The following TMEM108 variants were observed in gnomAD, a reference collection of about 807,000 sequenced individuals.
The protein encoded by TMEM108 is cancer/testis antigen 124.
Under a neutral mutation model 35.1 loss-of-function variants are expected in TMEM108, and 12 were observed. The observed-to-expected ratio is 0.34, with a 90% CI of 0.22 to 0.55. The LOEUF is 0.55. Ranked by LOEUF, TMEM108 falls within the 20% of genes least tolerant of loss-of-function variation. The pLI is 0.89. For synonymous variants in TMEM108, 287 were observed against 308.6 expected, an observed-to-expected ratio of 0.93 and a Z score of 0.73; for missense variants, 680 against 753.3, an observed-to-expected ratio of 0.90 and a Z score of 1.14.
intron 2 of TMEM108, among the ~76,000 whole-genome samples, chr3:133,111,370 C>T (rs1944222009): frequency 6.6e-6 from 1 of 152,074 alleles, no homozygotes; most frequent in Admixed American, 6.6e-5. Context: ...TTTCCTTCAC[C>T]TAAGCTTCTC....
At chr3:133,081,246 C>A (rs192138878) in intron 2 of TMEM108, among the ~76,000 whole-genome samples, 2 of 152,180 alleles carry the variant, frequency 1.3e-5, no homozygotes, top group Non-Finnish European at 2.9e-5. Context: ...GTTCTGAATG[C>A]GGGAAATTTG....
At chr3:133,330,422 G>A (rs777536321) in intron 3 of TMEM108, among the ~76,000 whole-genome samples, 8 of 152,142 alleles carry the variant, frequency 5.3e-5, no homozygotes, top group Non-Finnish European at 1.2e-4. Context: ...GTGTATATAT[G>A]TGTGTGTAAG....
chr3:133,160,841 T>C (rs1397042467), intron 2 of TMEM108, among the ~76,000 whole-genome samples: 1 of 152,190 alleles, frequency 6.6e-6, no homozygotes, highest in Non-Finnish European at 1.5e-5. Context: ...TGTGCAATTT[T>C]GTAGACTTCT....
At chr3:133,116,524 A>G (rs910681341) in intron 2 of TMEM108, among the ~76,000 whole-genome samples, 1 of 152,150 alleles carries the variant, frequency 6.6e-6, no homozygotes, top group African/African-American at 2.4e-5. Context: ...TGGGGGAGGC[A>G]TATTACATAT....
At chr3:133,388,771 C>T in intron 4 of TMEM108, 1 of 985,446 alleles carries the variant, frequency 1.0e-6, no homozygotes, top group Non-Finnish European at 1.2e-6. Flanking sequence ...CCCAGGCAGC[C>T]TACAGGGCCC....
At chr3:133,060,763 A>G (rs1030118731) in intron 2 of TMEM108, among the ~76,000 whole-genome samples, 1 of 152,210 alleles carries the variant, frequency 6.6e-6, no homozygotes, top group Non-Finnish European at 1.5e-5. Context: ...TGACCCAGCA[A>G]TTCAGCTTCT....
At position 133,172,807 on chromosome 3, in the gene TMEM108, G is replaced by C. The variant is rs755105186; in HGVS notation, c.-46-56459G>C. Among the ~76,000 whole-genome samples the C allele has an allele frequency of 2.6e-5, 4 of 152,158 alleles. 1 individual carries two copies. The highest frequency in any genetic ancestry group is 2.6e-4 in the Admixed American group (4 of 15,282). ...CTTCAATTCCCATGTATTGCAGGAGGGACCTGGTGGGAAGTAATTGAATCA... is the reference window on the plus strand; with the variant it reads ...CTTCAATTCCCATGTATTGCAGGAGCGACCTGGTGGGAAGTAATTGAATCA... On this transcript the variant is annotated intron_variant, in intron 2 of 5. Coordinates refer to ENST00000321871, the MANE Select transcript of TMEM108 (RefSeq NM_023943.4).
chr3:133,380,247 C>T lies in TMEM108; in HGVS notation c.536C>T (p.Ser179Leu). 1 of 1,613,916 alleles carries T rather than the reference C, an allele frequency of 6.2e-7. No homozygotes were observed. The highest frequency in any genetic ancestry group is 8.5e-7 in the Non-Finnish European group (1 of 1,179,918). ...PGSSRKGAGNSSRPVPPAPGG... is the reference protein window; with the variant it reads ...PGSSRKGAGNLSRPVPPAPGG... ...TCTTCCCGAAAAGGGGCTGGTAATT[C>T]ATCACGCCCTGTCCCGCCTGCACCT... is the stretch of plus-strand genomic sequence containing the variant. Residue 179 changes from serine (S) to leucine (L), a missense_variant, in exon 4 of 6, where the codon TCA (serine) becomes TTA (leucine). By Grantham distance (145) the Ser-to-Leu change is moderately radical (BLOSUM62 -2). Around this residue, in one of 3 missense-constraint regions of TMEM108, gnomAD observed 526 missense variants for 532.1 expected, o/e 0.99. Coordinates refer to ENST00000321871, the MANE Select transcript of TMEM108 (RefSeq NM_023943.4). This position sits in a 1 kb window ranked among gnomAD's most constrained non-coding sequence, Gnocchi z 5.3.
chr3:133,133,868 A>T (rs1475797644), intron 2 of TMEM108, among the ~76,000 whole-genome samples: 3 of 151,602 alleles, frequency 2.0e-5, no homozygotes, highest in African/African-American at 7.3e-5. Context: ...GGTTCACGCC[A>T]TTCTCCTGCC....
At chr3:133,175,463 C>T (rs1945204089) in intron 2 of TMEM108, among the ~76,000 whole-genome samples, 1 of 152,198 alleles carries the variant, frequency 6.6e-6, no homozygotes, top group South Asian at 2.1e-4. Context: ...ATCAGACTAA[C>T]AGCAGATCTC....
At chr3:133,132,296 A>C (rs551897198) in intron 2 of TMEM108, among the ~76,000 whole-genome samples, 1 of 152,348 alleles carries the variant, frequency 6.6e-6, no homozygotes, top group African/African-American at 2.4e-5. Flanking sequence ...GCTTGGCTTC[A>C]GTGCTTCAGA....
intron 3 of TMEM108, among the ~76,000 whole-genome samples, chr3:133,332,478 T>G (rs1293370861): frequency 6.6e-6 from 1 of 152,204 alleles, no homozygotes; most frequent in Non-Finnish European, 1.5e-5. Context: ...TTGTAATATG[T>G]GGCAGGAGAT....
At chr3:133,133,997 C>G (rs1001461866) in intron 2 of TMEM108, among the ~76,000 whole-genome samples, 1 of 151,862 alleles carries the variant, frequency 6.6e-6, no homozygotes, top group Non-Finnish European at 1.5e-5. Context: ...CTCCTGACCT[C>G]GTGATCCACC....
intron 2 of TMEM108, among the ~76,000 whole-genome samples, chr3:133,104,551 G>A (rs908944152): frequency 1.3e-5 from 2 of 152,134 alleles, no homozygotes; most frequent in Admixed American, 1.3e-4. Flanking sequence ...TGGGGAGCAG[G>A]TGTTTTTCTG....
At chr3:133,098,154 T>C (rs1384197504) in intron 2 of TMEM108, among the ~76,000 whole-genome samples, 3 of 152,196 alleles carry the variant, frequency 2.0e-5, no homozygotes, top group Non-Finnish European at 4.4e-5. Context: ...ACTTACAGTT[T>C]CACATGGCTG....
chr3:133,185,186 G>A (rs753733298), intron 2 of TMEM108, among the ~76,000 whole-genome samples: 6 of 151,882 alleles, frequency 4.0e-5, no homozygotes, highest in Non-Finnish European at 8.8e-5. Flanking sequence ...CTTTATTATC[G>A]TATTTGTTAG....
At chr3:133,171,188 A>T (rs1472511454) in intron 2 of TMEM108, among the ~76,000 whole-genome samples, 2 of 152,186 alleles carry the variant, frequency 1.3e-5, no homozygotes, top group African/African-American at 4.8e-5. Context: ...GTCTACCCAT[A>T]CTAGGTACAT....
intron 2 of TMEM108, among the ~76,000 whole-genome samples, chr3:133,172,265 C>A (rs985103740): frequency 6.6e-6 from 1 of 152,096 alleles, no homozygotes; most frequent in South Asian, 2.1e-4. Context: ...GGGTCCTGTT[C>A]TTAAACATTA....
intron 2 of TMEM108, among the ~76,000 whole-genome samples, chr3:133,149,429 A>G (rs545551996): frequency 5.3e-5 from 8 of 152,298 alleles, no homozygotes; most frequent in African/African-American, 1.9e-4. Context: ...AATTAACTAT[A>G]GTTACTATGC....
Sources: gnomAD v4.1 joint callset for allele counts (sites outside exome capture counted in the v4.1 genomes callset) on GRCh38, gnomAD v4.1.1 for gene constraint, gnomAD v4.1.1 regional missense constraint, Gnocchi (gnomAD v3.1) non-coding constraint, MANE v1.5 for transcripts, NCBI Gene and HGNC (gene_info 2026-07-23, HGNC 2026-07-21) for gene names.